SLC2A12: variants seen among roughly 807,000 people sequenced by gnomAD.
SLC2A12 encodes the protein solute carrier family 2, facilitated glucose transporter member 12.
In SLC2A12, 23 loss-of-function variants were observed where a neutral mutation model predicts 41.8. The observed-to-expected ratio is 0.55, with a 90% CI of 0.40 to 0.78. The LOEUF (loss-of-function observed/expected upper bound fraction) is 0.78, where lower values mean the gene tolerates loss of function less well. SLC2A12 is among the 30% of genes least tolerant of loss of function. The probability of loss-of-function intolerance (pLI) is 0.00; values close to 1 mark genes in which losing one functional copy is unlikely to be tolerated. For missense variants in SLC2A12, 654 were observed against 745.6 expected (o/e 0.88, Z 1.43); for synonymous variants, 295 against 285.9 (o/e 1.03, Z -0.32).
At chr6:133,992,170 T>A (rs1402034588) in intron 4 of SLC2A12, among the ~76,000 whole-genome samples, 1 of 152,150 alleles carries the variant, frequency 6.6e-6, no homozygotes, top group African/African-American at 2.4e-5. Context: ...TGGGAAATAC[T>A]GCAGCTTTGT....
chr6:134,010,910 T>C (rs2114440241), intron 2 of SLC2A12, among the ~76,000 whole-genome samples: 1 of 152,264 alleles, frequency 6.6e-6, no homozygotes, highest in East Asian at 1.9e-4. Flanking sequence ...CCCCAGTTTT[T>C]CCCACAGAAA....
In SLC2A12 at chr6:134,003,726, C is replaced by A. The variant is rs1200822622; in HGVS notation, c.1568-1597G>T. ...TACTGCCCTCGCCATTCAGGTTGCC[C>A]TCCTTCAGCGAACACACTGCAATTT... is the stretch of plus-strand genomic sequence containing the variant. On this transcript the variant is annotated intron_variant, in intron 3 of 4. Transcript: ENST00000275230. Among the ~76,000 whole-genome samples, 3 of 152,320 alleles carry A rather than the reference C, an allele frequency of 2.0e-5. No individual in the cohort carries two copies. In the East Asian group the frequency reaches 5.8e-4, roughly 29 times the overall value.
intron 3 of SLC2A12, among the ~76,000 whole-genome samples, chr6:134,005,680 A>G (rs1776804298): frequency 2.3e-5 from 3 of 131,026 alleles, no homozygotes; most frequent in Admixed American, 1.6e-4. Flanking sequence ...AAAAAAAAAA[A>G]AAAAAAAAAA....
chr6:134,031,908 T>C (rs1246440677), intron 1 of SLC2A12, among the ~76,000 whole-genome samples: 1 of 152,226 alleles, frequency 6.6e-6, no homozygotes, highest in Non-Finnish European at 1.5e-5. Flanking sequence ...AGGAAAAGCA[T>C]GATCAAGACT....
At chr6:134,003,254 T>A (rs1309177313) in intron 3 of SLC2A12, among the ~76,000 whole-genome samples, 1 of 152,198 alleles carries the variant, frequency 6.6e-6, no homozygotes, top group African/African-American at 2.4e-5. Context: ...TTAATTAAAC[T>A]CCTGTCTCTC....
chr6:134,047,739 T>C (rs1777478932), intron 1 of SLC2A12, among the ~76,000 whole-genome samples: 1 of 152,158 alleles, frequency 6.6e-6, no homozygotes, highest in African/African-American at 2.4e-5. Flanking sequence ...AACGGTGATG[T>C]TGAGAATATT....
At chr6:134,039,301 C>T (rs147728823) in intron 1 of SLC2A12, among the ~76,000 whole-genome samples, 1 of 152,184 alleles carries the variant, frequency 6.6e-6, no homozygotes, top group Non-Finnish European at 1.5e-5. Flanking sequence ...CCCTTCCACT[C>T]TACACGTCAT....
At chr6:134,036,233 A>G (rs1777297027) in intron 1 of SLC2A12, among the ~76,000 whole-genome samples, 1 of 152,146 alleles carries the variant, frequency 6.6e-6, no homozygotes, top group South Asian at 2.1e-4. Context: ...AATACTTTAC[A>G]AATTTAAAAG....
chr6:134,043,565 T>A (rs916491760), intron 1 of SLC2A12, among the ~76,000 whole-genome samples: 2 of 151,928 alleles, frequency 1.3e-5, no homozygotes, highest in African/African-American at 4.8e-5. Flanking sequence ...GAGGCCGAGA[T>A]GGGCGGATCA....
intron 1 of SLC2A12, among the ~76,000 whole-genome samples, chr6:134,037,275 C>T (rs1028714026): frequency 1.3e-5 from 2 of 149,468 alleles, no homozygotes; most frequent in African/African-American, 5.0e-5. Flanking sequence ...CTTCCTTGGC[C>T]TCCTCCTATT....
intron 1 of SLC2A12, among the ~76,000 whole-genome samples, chr6:134,047,373 G>T (rs1322514692): frequency 2.6e-5 from 4 of 152,154 alleles, no homozygotes; most frequent in Non-Finnish European, 5.9e-5. Flanking sequence ...CCAAAGGCTA[G>T]ATAGTACCGA....
intron 2 of SLC2A12, among the ~76,000 whole-genome samples, chr6:134,016,663 C>G (rs142033233): frequency 6.6e-6 from 1 of 151,988 alleles, no homozygotes; most frequent in Non-Finnish European, 1.5e-5. Flanking sequence ...TGTTTTTTGT[C>G]AACATCATTA....
Position 134,002,091 on chromosome 6 carries a change from T to C in SLC2A12, c.1606A>G (p.Ile536Val), listed in dbSNP as rs888789344. The part of the protein sequence containing the change: ...GLPWVCFIYT[I>V]MSLASLLFVV... ...AAAAGCAGGGATGCTAGACTCATGA[T>C]TGTATATATAAAGCACACCCATGGC... The change falls in exon 4 of 5, where the codon ATC becomes GTC. Residue 536 changes from isoleucine (I) to valine (V), a missense_variant. Physicochemically the swap from Ile to Val is conservative, Grantham distance 29 (BLOSUM62 3). This residue lies in a region of SLC2A12 where 134 missense variants were observed against 180.5 expected (regional missense o/e 0.74). Coordinates refer to ENST00000275230, the MANE Select transcript of SLC2A12 (RefSeq NM_145176.3). 5 of 1,600,738 alleles carry C rather than the reference T, an allele frequency of 3.1e-6. No homozygotes were observed. In the Admixed American group the frequency reaches 9.0e-5, roughly 29 times the overall value.
chr6:134,018,643 C>G (rs1776999581), intron 2 of SLC2A12, among the ~76,000 whole-genome samples: 1 of 152,192 alleles, frequency 6.6e-6, no homozygotes, highest in Admixed American at 6.5e-5. Flanking sequence ...GGAAATAACC[C>G]TCCTCCAAGC....
chr6:134,027,270 A>C (rs933327853), intron 2 of SLC2A12, among the ~76,000 whole-genome samples: 1 of 152,214 alleles, frequency 6.6e-6, no homozygotes, highest in African/African-American at 2.4e-5. Context: ...AAGCCCCTAC[A>C]TGGCCTTCTT....
At chr6:134,005,659 TAAAAA>T (rs56710009) in intron 3 of SLC2A12, among the ~76,000 whole-genome samples, 1,398 of 64,682 alleles carry the variant, frequency 0.022, 8 homozygotes, top group African/African-American at 0.035. Context: ...GACTCTGTCT[TAAAAA>T]AAAAAAAAAA....
rs1776614798 is a variant in SLC2A12 at position 133,991,024 on chromosome 6, T to C, written c.*131A>G. The C allele has an allele frequency of 9.1e-7, 1 of 1,097,100 alleles. No homozygotes were observed. The highest frequency in any genetic ancestry group is 1.6e-5 in the African/African-American group (1 of 62,882). 68.0% of individuals were successfully genotyped at this position (1,097,100 alleles called of 1,614,324 possible). A position where few individuals can be genotyped will look rare whatever the true frequency, so the allele number is the denominator to read the frequency against. On this transcript the variant is annotated 3_prime_UTR_variant, in exon 5 of 5. Coordinates refer to ENST00000275230, the MANE Select transcript of SLC2A12 (RefSeq NM_145176.3). ...GGGGGATTAAAGGCTGTCTTTATCA[T>C]TTCAGAGTGTCTCTTCAAAACCAGT...
chr6:134,028,151 A>G (rs1777139130), intron 2 of SLC2A12, among the ~76,000 whole-genome samples: 3 of 152,224 alleles, frequency 2.0e-5, no homozygotes, highest in Admixed American at 1.3e-4. Flanking sequence ...AATTAATGGG[A>G]ATTAAAGTAT....
chr6:134,005,520 C>T (rs1277733393), intron 3 of SLC2A12, among the ~76,000 whole-genome samples: 2 of 151,554 alleles, frequency 1.3e-5, no homozygotes, highest in Non-Finnish European at 2.9e-5. Context: ...ATTAGCCAGG[C>T]TTGGTGGTGC....
Sources: allele counts gnomAD v4.1 joint callset (sites outside exome capture counted in the v4.1 genomes callset), GRCh38; gene constraint gnomAD v4.1.1; regional missense constraint gnomAD v4.1.1; transcripts MANE v1.5; gene names NCBI Gene and HGNC (gene_info 2026-07-23, HGNC 2026-07-21).